Variants in LIPA observed in about 807,000 individuals in gnomAD.
The protein encoded by LIPA is lipase A, lysosomal acid type, also known as lysosomal acid lipase/cholesteryl ester hydrolase.
LIPA carries 26 observed loss-of-function variants against 40.6 expected under a neutral mutation model. The ratio of observed to expected loss-of-function variants is 0.64; its 90% confidence interval spans 0.47 to 0.89. The LOEUF is 0.89. Among genes scored for constraint, LIPA ranks in the 40% least tolerant of loss-of-function variants. The pLI is 0.00. For synonymous variants in LIPA, 188 were observed against 168.4 expected (o/e 1.12, Z -0.90); for missense variants, 455 against 479.6 (o/e 0.95, Z 0.48).
intron 1 of LIPA, chr10:89,285,134 C>T (rs187770773): frequency 1.5e-3 from 232 of 159,366 alleles, no homozygotes; most frequent in African/African-American, 4.6e-3. Context: ...TGCCGTGACT[C>T]GGATCGGGGA....
intron 3 of LIPA, among the ~76,000 whole-genome samples, chr10:89,230,598 G>A (rs867448435): frequency 3.2e-4 from 48 of 152,230 alleles, no homozygotes; most frequent in African/African-American, 1.1e-3. Context: ...GAGCCACCAC[G>A]CCCAGCCCGA....
chr10:89,284,301 CTA>C (rs1343364024), intron 1 of LIPA: 1 of 152,210 alleles, frequency 6.6e-6, no homozygotes, highest in Non-Finnish European at 1.5e-5. Context: ...GAGCATGAGG[CTA>C]TATTCATCAT....
rs1355176688 is a variant in LIPA at position 89,226,976 on chromosome 10, G to C, written c.457C>G (p.Pro153Ala). ...TTCAGAATGAAGTTAATGGAAGCTGGTAGGTCATATTTTGCCATCTCATCA... is the reference window on the plus strand; with the variant it reads ...TTCAGAATGAAGTTAATGGAAGCTGCTAGGTCATATTTTGCCATCTCATCA... ...SYDEMAKYDL[P>A]ASINFILNKT... The change falls in exon 5 of 10, where the codon CCA (proline) becomes GCA (alanine). Residue 153 changes from proline (P) to alanine (A), a missense_variant. Transcript: ENST00000336233. 1 of 1,612,784 alleles carries C rather than the reference G, an allele frequency of 6.2e-7. No individual in the cohort carries two copies. The highest frequency in any genetic ancestry group is 8.5e-7 in the Non-Finnish European group (1 of 1,178,984).
At chr10:89,353,398 C>T (rs796606802) in intron 2 of LIPA, among the ~76,000 whole-genome samples, 6 of 152,284 alleles carry the variant, frequency 3.9e-5, no homozygotes, top group African/African-American at 1.2e-4. Context: ...AGCATGCAGC[C>T]CCAGCCCCTC....
chr10:89,294,312 A>T (rs1246276235), intron 1 of LIPA, among the ~76,000 whole-genome samples: 1 of 152,112 alleles, frequency 6.6e-6, no homozygotes. Context: ...GCAGATTGGG[A>T]GATTGGGTAA....
upstream of LIPA, among the ~76,000 whole-genome samples, chr10:89,344,487 C>T (rs1843899858): frequency 6.6e-6 from 1 of 152,078 alleles, no homozygotes; most frequent in South Asian, 2.1e-4. Context: ...GATGGGGCTA[C>T]ACATGCCTGT....
rs115973225 is a variant in LIPA, at chr10:89,391,479, T to C, written c.61+21312A>G. On this transcript the variant is annotated intron_variant, in intron 2 of 8. Coordinates refer to the LIPA transcript ENST00000371837. ...GATCCTCCCGCCTTGCCTTCCAAAA[T>C]ACTGGGACTTACAGGCCTGAGCCAA... Among the ~76,000 whole-genome samples the C allele has an allele frequency of 5.3e-3, 800 of 152,246 alleles. 2 individuals carry two copies. The highest frequency in any genetic ancestry group is 0.018 in the African/African-American group (763 of 41,532).
At chr10:89,276,290 A>C (rs959499209) in intron 1 of LIPA, among the ~76,000 whole-genome samples, 10 of 152,310 alleles carry the variant, frequency 6.6e-5, no homozygotes, top group African/African-American at 2.4e-4. Flanking sequence ...GTTTGAAGCA[A>C]AGATCTTCTA....
At chr10:89,224,687 T>G (rs1842743880) in intron 6 of LIPA, among the ~76,000 whole-genome samples, 1 of 152,218 alleles carries the variant, frequency 6.6e-6, no homozygotes, top group South Asian at 2.1e-4. Flanking sequence ...GATAGCGTTG[T>G]TAGGTCACCC....
chr10:89,289,721 G>A (rs1564776750), intron 1 of LIPA, among the ~76,000 whole-genome samples: 1 of 152,070 alleles, frequency 6.6e-6, no homozygotes, highest in African/African-American at 2.4e-5. Context: ...CCACCCTTAA[G>A]TCTCTGTTTG....
chr10:89,248,346 G>C (rs931223035), intron 1 of LIPA, among the ~76,000 whole-genome samples: 1 of 146,364 alleles, frequency 6.8e-6, no homozygotes, highest in Non-Finnish European at 1.5e-5. Context: ...ATTTTTAGTA[G>C]AGACAGGGTT....
intron 2 of LIPA, among the ~76,000 whole-genome samples, chr10:89,374,257 C>A (rs1309954110): frequency 6.6e-6 from 1 of 152,236 alleles, no homozygotes; most frequent in Non-Finnish European, 1.5e-5. Flanking sequence ...TTCATTTCTA[C>A]AAGTAGGCAT....
At chr10:89,393,061 G>T in intron 2 of LIPA, 1 of 1,037,942 alleles carries the variant, frequency 9.6e-7, no homozygotes, top group Non-Finnish European at 1.3e-6. Context: ...TCTGATATGG[G>T]GAAGGAATGG....
chr10:89,307,241 G>A, intron 1 of LIPA: 1 of 1,614,036 alleles, frequency 6.2e-7, no homozygotes, highest in Non-Finnish European at 8.5e-7. Context: ...AAATGGAGCA[G>A]ATTCTGAGGC....
At position 89,340,064 on chromosome 10, in the gene LIPA, T is replaced by A. The variant is rs753245712; in HGVS notation, c.-2+2547A>T. The A allele has an allele frequency of 1.3e-5, 21 of 1,613,892 alleles. No individual in the cohort carries two copies. In the African/African-American group the frequency reaches 2.4e-4, roughly 18 times the overall value. ...GAGCTTGAGGATGGTAGTGAGGAAA[T>A]GGGCCAGGGCGCAGTCAGCTCCAGT... is the stretch of plus-strand genomic sequence containing the variant. On this transcript the variant is annotated intron_variant, in intron 1 of 5. Transcript: ENST00000282673.
chr10:89,282,719 C>T (rs1347865947), intron 1 of LIPA, among the ~76,000 whole-genome samples: 3 of 152,168 alleles, frequency 2.0e-5, no homozygotes, highest in African/African-American at 4.8e-5. Context: ...ATTCTAAGAG[C>T]TTCACAACAA....
chr10:89,341,052 T>C (rs951628451), intron 1 of LIPA: 28 of 152,188 alleles, frequency 1.8e-4, no homozygotes, highest in Admixed American at 1.6e-3. Context: ...GAACAGTGGG[T>C]AATTGCTAAG....
At chr10:89,382,047 G>C (rs1003508591) in intron 2 of LIPA, among the ~76,000 whole-genome samples, 1 of 152,072 alleles carries the variant, frequency 6.6e-6, no homozygotes, top group African/African-American at 2.4e-5. Context: ...TAGGATTACA[G>C]GTGTGAGCCA....
At chr10:89,277,631 A>C (rs1052451121) in intron 1 of LIPA, among the ~76,000 whole-genome samples, 1 of 152,246 alleles carries the variant, frequency 6.6e-6, no homozygotes, top group Non-Finnish European at 1.5e-5. Flanking sequence ...TCCCTAAAAA[A>C]TACAGAGAAT....
Sources: allele counts gnomAD v4.1 joint callset (sites outside exome capture counted in the v4.1 genomes callset), GRCh38; gene constraint gnomAD v4.1.1; transcripts MANE v1.5; gene names NCBI Gene and HGNC (gene_info 2026-07-23, HGNC 2026-07-21).